Variants in CEP44 observed in about 807,000 individuals in gnomAD.
CEP44 encodes the protein centrosomal protein 44, also known as centrosomal protein of 44 kDa.
A neutral mutation model predicts 46.7 loss-of-function variants in CEP44; 45 were observed. The ratio of observed to expected loss-of-function variants is 0.96; its 90% CI spans 0.76 to 1.24. CEP44 has a LOEUF of 1.24. CEP44 is among the 50% of genes most tolerant of loss of function. CEP44 has a pLI of 0.00. For missense variants in CEP44, 475 were observed against 459.7 expected (o/e 1.03, Z -0.30); for synonymous variants, 142 against 146.0 (o/e 0.97, Z 0.20).
intron 8 of CEP44, among the ~76,000 whole-genome samples, chr4:174,330,036 T>G (rs1267735291): frequency 6.6e-6 from 1 of 152,226 alleles, no homozygotes; most frequent in Non-Finnish European, 1.5e-5. Flanking sequence ...TGTTCATTTT[T>G]TAATTGTTCA....
chr4:174,292,922 G>A (rs992373891), intron 1 of CEP44, among the ~76,000 whole-genome samples: 4 of 152,072 alleles, frequency 2.6e-5, no homozygotes, highest in Non-Finnish European at 5.9e-5. Flanking sequence ...GGTTTCCTTT[G>A]GCATGTTGTA....
At chr4:174,284,437 G>T (rs1393575195) in intron 1 of CEP44, among the ~76,000 whole-genome samples, 3 of 152,116 alleles carry the variant, frequency 2.0e-5, no homozygotes, top group African/African-American at 4.8e-5. Context: ...GATACAAACG[G>T]CTCCTGACTA....
Position 174,318,997 on chromosome 4 carries a change from C to A in CEP44, c.*1614C>A. On this transcript the variant is annotated 3_prime_UTR_variant, in exon 12 of 12. Coordinates refer to ENST00000503780, the MANE Select transcript of CEP44 (RefSeq NM_001040157.3). The stretch of plus-strand genomic sequence containing the variant: ...GCTAATTTTTGTATTTTTGTAGAGA[C>A]AGGGTTTCACCATGTTGCCCAGTCT... 3.2e-6 allele frequency: 1 copy of A among 311,076 alleles called. No homozygotes were observed. Among genetic ancestry groups the A allele is most frequent in the Non-Finnish European group, 4.7e-6 (1 of 213,958 alleles). The allele number at this position is 311,076 out of a possible 1,614,324, so 19.3% of individuals were successfully genotyped here. A position where few individuals can be genotyped will look rare whatever the true frequency, so the allele number is the denominator to read the frequency against.
chr4:174,316,175 G>C lies in CEP44; in HGVS notation c.971G>C (p.Ser324Thr), dbSNP rs758126417. Residue 324 changes from serine (S) to threonine (T), a missense_variant, in exon 10 of 12, where the codon AGC (serine) becomes ACC (threonine). By Grantham distance (58) the Ser-to-Thr change is moderately conservative. Transcript: ENST00000503780. ...CTTAATTTCTTCACAGACAGAAAAAGCGAAGTAGAGAGGCCAGCAAGTATT... is the reference window on the plus strand; with the variant it reads ...CTTAATTTCTTCACAGACAGAAAAACCGAAGTAGAGAGGCCAGCAAGTATT... ...DMDLLNPHRK[S>T]EVERPASIPL... 5.6e-6 allele frequency: 9 copies of C among 1,611,672 alleles called. 1 individual carries two copies. Among genetic ancestry groups the C allele is most frequent in the South Asian group, 5.5e-5 (5 of 90,272 alleles).
chr4:174,320,357 A>C (rs1383501978), downstream of CEP44: 17 of 955,664 alleles, frequency 1.8e-5, no homozygotes, highest in Non-Finnish European at 1.9e-5. Context: ...TTCATTACTC[A>C]TAACTTTATA....
At chr4:174,313,288 G>A (rs1300281780) in intron 9 of CEP44, among the ~76,000 whole-genome samples, 1 of 151,742 alleles carries the variant, frequency 6.6e-6, no homozygotes, top group African/African-American at 2.4e-5. Context: ...CAGTAGTTTA[G>A]GTGTTAATTG....
Position 174,318,508 on chromosome 4 carries a change from A to G in CEP44, c.*1125A>G. On this transcript the variant is annotated 3_prime_UTR_variant, in exon 12 of 12. Coordinates refer to ENST00000503780, the MANE Select transcript of CEP44 (RefSeq NM_001040157.3). The stretch of plus-strand genomic sequence containing the variant: ...AATGAAATTTATTTTTAATATTACT[A>G]CTATATGAATTATCTTTTTTTAAAC... 1.1e-6 allele frequency: 1 copy of G among 878,754 alleles called. No individual in the cohort carries two copies. The highest frequency in any genetic ancestry group is 1.4e-6 in the Non-Finnish European group (1 of 733,392). The allele number at this position is 878,754 out of a possible 1,614,324, so 54.4% of individuals were successfully genotyped here.
At chr4:174,327,697 T>C (rs987325972) in intron 8 of CEP44, among the ~76,000 whole-genome samples, 3 of 152,134 alleles carry the variant, frequency 2.0e-5, no homozygotes, top group Admixed American at 6.6e-5. Flanking sequence ...GGGGAATGGA[T>C]AGATTATTCA....
At chr4:174,295,471 G>A (rs900636576) in intron 1 of CEP44, among the ~76,000 whole-genome samples, 4 of 151,490 alleles carry the variant, frequency 2.6e-5, no homozygotes, top group Admixed American at 2.6e-4. Context: ...AGATGGGATG[G>A]CGGCCGGGCA....
At chr4:174,313,804 G>A (rs1741370907) in intron 9 of CEP44, among the ~76,000 whole-genome samples, 1 of 152,112 alleles carries the variant, frequency 6.6e-6, no homozygotes, top group African/African-American at 2.4e-5. Flanking sequence ...AGGTAACACT[G>A]ACTACTTGTG....
intron 1 of CEP44, among the ~76,000 whole-genome samples, chr4:174,285,134 C>T (rs1319293715): frequency 6.6e-6 from 1 of 152,220 alleles, no homozygotes; most frequent in African/African-American, 2.4e-5. Context: ...ATTATTGAAT[C>T]TATGCTGCAA....
chr4:174,310,815 T>G lies in CEP44; in HGVS notation c.918T>G (p.Ser306Arg). Residue 306 changes from serine to arginine, a missense_variant, in exon 9 of 12, where the codon AGT (serine) becomes AGG (arginine). Ser to Arg is a moderately radical substitution (Grantham distance 110, BLOSUM62 -1). Coordinates refer to ENST00000503780, the MANE Select transcript of CEP44 (RefSeq NM_001040157.3). This position sits in a 1 kb window ranked among gnomAD's most constrained non-coding sequence, Gnocchi z 4.2. ...AATTTATAGAGTTTAATGAAGTTAG[T>G]GAAGACTACGCTTCTTGTAGTGACA... is the stretch of plus-strand genomic sequence containing the variant. ...NDEFIEFNEV[S>R]EDYASCSDMD... 6.6e-7 allele frequency: 1 copy of G among 1,521,846 alleles called. No individual in the cohort carries two copies. The highest frequency in any genetic ancestry group is 9.0e-7 in the Non-Finnish European group (1 of 1,107,588). The allele number at this position is 1,521,846 out of a possible 1,614,324, so 94.3% of individuals were successfully genotyped here.
exon 9 of CEP44, chr4:174,332,704 C>T (rs938766440): frequency 1.3e-5 from 2 of 152,166 alleles, no homozygotes; most frequent in African/African-American, 4.8e-5. Flanking sequence ...TGACCTGGTT[C>T]AGATACTTAC....
chr4:174,295,570 A>G (rs1738896063), intron 1 of CEP44, among the ~76,000 whole-genome samples: 1 of 151,478 alleles, frequency 6.6e-6, no homozygotes, highest in Admixed American at 6.6e-5. Context: ...GACGCTCCTC[A>G]CTTCCCAGAC....
chr4:174,295,122 G>A lies in CEP44; in HGVS notation c.-147-2844G>A, dbSNP rs558152278. Among the ~76,000 whole-genome samples, 1,403 of 149,318 alleles carry A rather than the reference G, an allele frequency of 9.4e-3. 10 individuals are homozygous for A. The highest frequency in any genetic ancestry group is 0.033 in the African/African-American group (1,332 of 40,408). ...TCCCGGACGGGGCGGCTGGCCTGGC[G>A]GGGGCTGACCCTCACCTCCCTCCCG... On this transcript the variant is annotated intron_variant, in intron 1 of 11. Transcript: ENST00000503780.
chr4:174,312,579 C>T lies in CEP44; in HGVS notation c.961+1721C>T, dbSNP rs1249981536. On this transcript the variant is annotated intron_variant, in intron 9 of 11. Coordinates refer to ENST00000503780, the MANE Select transcript of CEP44 (RefSeq NM_001040157.3). This position sits in a 1 kb window ranked among gnomAD's most constrained non-coding sequence, Gnocchi z 4.5. ...TCTGCTTCTCAAAGTACTGGGATTA[C>T]AGGTGTGAGTTAACATGTCCGGGTT... 6.6e-6 allele frequency among the ~76,000 whole-genome samples: 1 copy of T among 152,148 alleles called. No individual in the cohort carries two copies. Among genetic ancestry groups the T allele is most frequent in the Non-Finnish European group, 1.5e-5 (1 of 68,024 alleles).
intron 1 of CEP44, 115 bp downstream of exon 1, chr4:174,284,058 CTG>C (rs778094974): frequency 1.8e-5 from 7 of 399,174 alleles, no homozygotes; most frequent in South Asian, 1.3e-4. Context: ...ACTCTGGTGA[CTG>C]TGTATGGTTG....
intron 9 of CEP44, among the ~76,000 whole-genome samples, chr4:174,313,033 C>T (rs943516902): frequency 4.6e-5 from 7 of 151,956 alleles, no homozygotes; most frequent in South Asian, 2.1e-4. Flanking sequence ...GCAAGGGCTA[C>T]GGGTGCTGTC....
intron 3 of CEP44, among the ~76,000 whole-genome samples, chr4:174,299,604 C>G (rs901952306): frequency 2.0e-5 from 3 of 152,076 alleles, no homozygotes; most frequent in Non-Finnish European, 4.4e-5. Flanking sequence ...TCTTGTCAGT[C>G]TTTTCTTATC....
Sources: gnomAD v4.1 joint callset for allele counts (sites outside exome capture counted in the v4.1 genomes callset) on GRCh38, gnomAD v4.1.1 for gene constraint, Gnocchi (gnomAD v3.1) non-coding constraint, MANE v1.5 for transcripts, NCBI Gene and HGNC (gene_info 2026-07-23, HGNC 2026-07-21) for gene names.